The following SCAP variants were observed in gnomAD, a reference collection of about 807,000 sequenced individuals.
SCAP encodes the protein SREBF chaperone.
A neutral mutation model predicts 123.6 loss-of-function variants in SCAP; 65 were observed. The ratio of observed to expected loss-of-function variants is 0.53; its 90% confidence interval spans 0.43 to 0.65. The LOEUF (loss-of-function observed/expected upper bound fraction) is 0.65. SCAP is among the 30% of genes least tolerant of loss of function. SCAP has a pLI of 0.00. For missense variants in SCAP, 1,398 were observed against 1,712.5 expected, an observed-to-expected ratio of 0.82 and a Z score of 3.24; for synonymous variants, 740 against 726.3, an observed-to-expected ratio of 1.02 and a Z score of -0.30.
intron 1 of SCAP, among the ~76,000 whole-genome samples, chr3:47,449,596 C>G (rs79382394): frequency 0.01 from 1,248 of 124,628 alleles, 353 homozygotes; most frequent in South Asian, 0.015. Flanking sequence ...ATTTCTTCCT[C>G]CATCCCCATT....
chr3:47,466,154 A>AAAAAAAG (rs1559571041), intron 1 of SCAP, among the ~76,000 whole-genome samples: 3 of 142,118 alleles, frequency 2.1e-5, no homozygotes, highest in Non-Finnish European at 4.5e-5. Context: ...AAAAAAAAAA[A>AAAAAAAG]AAAGAAAGAA....
At chr3:47,433,676 G>A (rs1315367287) in intron 3 of SCAP, among the ~76,000 whole-genome samples, 1 of 152,238 alleles carries the variant, frequency 6.6e-6, no homozygotes, top group Middle Eastern at 3.4e-3. Context: ...AGACCAGCCT[G>A]GCCAACATGG....
chr3:47,438,548 T>C (rs1035315094), intron 2 of SCAP, among the ~76,000 whole-genome samples: 2 of 152,094 alleles, frequency 1.3e-5, no homozygotes, highest in African/African-American at 4.8e-5. Flanking sequence ...GCACGGTGGC[T>C]CACGCCTGTA....
chr3:47,421,063 C>T, intron 10 of SCAP, 34 bp from the exon 11 acceptor site: 10 of 1,552,920 alleles, frequency 6.4e-6, no homozygotes, highest in Non-Finnish European at 8.9e-6. Context: ...GGGGGGGTGC[C>T]GTGACCTCAC....
chr3:47,471,172 C>A (rs553203866), intron 1 of SCAP, among the ~76,000 whole-genome samples: 1 of 151,986 alleles, frequency 6.6e-6, no homozygotes, highest in South Asian at 2.1e-4. Flanking sequence ...TATCCCCTTA[C>A]AAATTTTAGC....
At position 47,417,597 on chromosome 3, in the gene SCAP, G is replaced by C; in HGVS notation, c.2677C>G (p.Pro893Ala). 6.2e-7 allele frequency: 1 copy of C among 1,600,540 alleles called. No homozygotes were observed. Among genetic ancestry groups the C allele is most frequent in the Non-Finnish European group, 8.5e-7 (1 of 1,175,060 alleles). Residue 893 changes from proline (P) to alanine (A), a missense_variant, in exon 17 of 23, where the codon CCC (proline) becomes GCC (alanine). Pro to Ala is a conservative substitution (Grantham distance 27, BLOSUM62 -1). This residue lies in a region of SCAP where 828 missense variants were observed against 882.5 expected (regional missense o/e 0.94). Transcript: ENST00000265565. ...AQPRSSQPTQPEPRHRAVCGR... is the reference protein window; with the variant it reads ...AQPRSSQPTQAEPRHRAVCGR... ...CAGACCGCCCGGTGCCGGGGCTCGG[G>C]CTGAGTGGGCTGTGAGGACCGAGGC... is the stretch of plus-strand genomic sequence containing the variant.
In SCAP at chr3:47,426,010, G is replaced by A. The variant is rs369235077; in HGVS notation, c.897C>T (p.Ile299=). ...CCATGAACCTACGCGTGGAGAAGTA[G>A]ATGTAGGCAAACAAGATGATGTAGG... ...VTTYIILFAY[I]YFSTRKIDMV... Residue 299 remains isoleucine, a synonymous_variant, in exon 7 of 23, where the codon ATC becomes ATT. Transcript: ENST00000265565. 1 of 1,614,142 alleles carries A rather than the reference G, an allele frequency of 6.2e-7. No homozygotes were observed. The highest frequency in any genetic ancestry group is 1.3e-5 in the African/African-American group (1 of 75,046).
At chr3:47,425,819 A>G (rs1706103246) in intron 7 of SCAP, among the ~76,000 whole-genome samples, 178 bp downstream of exon 7, 2 of 151,860 alleles carry the variant, frequency 1.3e-5, no homozygotes, top group Non-Finnish European at 1.5e-5. Context: ...AAGTGGGAAG[A>G]GCCCCGGCCC....
intron 2 of SCAP, among the ~76,000 whole-genome samples, chr3:47,442,578 TATC>T (rs748595770): frequency 2.0e-5 from 3 of 152,228 alleles, no homozygotes; most frequent in Non-Finnish European, 4.4e-5. Context: ...AAAACTGAAG[TATC>T]ATATCTTTCA....
rs757740492 is a variant in SCAP, at chr3:47,417,561, G to A, written c.2713C>T (p.Arg905Trp). The change falls in exon 17 of 23, where the codon CGG becomes TGG. Residue 905 changes from arginine to tryptophan, a missense_variant. Arg to Trp is a moderately radical substitution (Grantham distance 101). Coordinates refer to ENST00000265565, the MANE Select transcript of SCAP (RefSeq NM_012235.4). The part of the protein sequence containing the change: ...PRHRAVCGRS[R>W]DSPGYDFSCL... ...CTGAAGTCATAGCCTGGGGAGTCCC[G>A]AGAGCGGCCACAGACCGCCCGGTGC... 11 of 1,583,634 alleles carry A rather than the reference G, an allele frequency of 6.9e-6. No individual in the cohort carries two copies. The highest frequency in any genetic ancestry group is 9.4e-6 in the Non-Finnish European group (11 of 1,166,214).
chr3:47,418,199 C>T lies in SCAP; in HGVS notation c.2382G>A (p.Leu794=), dbSNP rs1422106613. 6.3e-7 allele frequency: 1 copy of T among 1,575,204 alleles called. No individual in the cohort carries two copies. Among genetic ancestry groups the T allele is most frequent in the Non-Finnish European group, 8.6e-7 (1 of 1,161,106 alleles). Residue 794 remains leucine (L), a synonymous_variant, in exon 16 of 23, where the codon CTG becomes CTA. Transcript: ENST00000265565. ...SDGMLLVSCC[L]AGHVCVWDAQ... is the part of the protein sequence containing the mutation. ...CGTCCCACACGCAGACGTGGCCTGC[C>T]AGGCAGCAGCTCACCAGCAGCATGC... is the stretch of plus-strand genomic sequence containing the variant.
intron 20 of SCAP, 35 bp from the exon 21 acceptor site, chr3:47,414,687 G>A: frequency 6.2e-7 from 1 of 1,612,594 alleles, no homozygotes; most frequent in Non-Finnish European, 8.5e-7. Context: ...TCTGGTCTCT[G>A]GGATTTTCCA....
At chr3:47,422,214 C>T (rs897645995) in intron 10 of SCAP, among the ~76,000 whole-genome samples, 2 of 152,270 alleles carry the variant, frequency 1.3e-5, no homozygotes, top group African/African-American at 4.8e-5. Flanking sequence ...GTCTGCCTGG[C>T]TAGGTGCTCA....
chr3:47,417,629 GA>G lies in SCAP; in HGVS notation c.2644del (p.Ser882GlnfsTer189), dbSNP rs1160343716. Reference protein sequence around the residue: ...DLTCLIDTNFSAQPRSSQPTQ... With the variant: ...DLTCLIDTNFXAQPRSSQPTQ... ...GGGCTGTGAGGACCGAGGCTGCGCTGAAAAGTTGGTGTCAATTAAGCAGGTG... is the reference window on the plus strand; with the variant it reads ...GGGCTGTGAGGACCGAGGCTGCGCTGAAAGTTGGTGTCAATTAAGCAGGTG... On this transcript the variant is annotated frameshift_variant, in exon 17 of 23. Transcript: ENST00000265565. LOFTEE classifies it high-confidence loss of function. The G allele has an allele frequency of 6.2e-7, 1 of 1,608,940 alleles. No individual in the cohort carries two copies. Among genetic ancestry groups the G allele is most frequent in the Non-Finnish European group, 8.5e-7 (1 of 1,178,386 alleles).
chr3:47,417,846 A>AGTGAGAGGGGCACGGGGGAGGGGG lies in SCAP; in HGVS notation c.2448-21_2448-20insCCCCCTCCCCCGTGCCCCTCTCAC. 9.2e-7 allele frequency: 1 copy of AGTGAGAGGGGCACGGGGGAGGGGG among 1,082,786 alleles called. No individual in the cohort carries two copies. Among genetic ancestry groups the AGTGAGAGGGGCACGGGGGAGGGGG allele is most frequent in the Non-Finnish European group, 1.2e-6 (1 of 869,164 alleles). 67.1% of individuals were successfully genotyped at this position (1,082,786 alleles called of 1,614,324 possible). A position where few individuals can be genotyped will look rare whatever the true frequency, so the allele number is the denominator to read the frequency against. On this transcript the variant is annotated intron_variant, in intron 16 of 22. Transcript: ENST00000265565. ...TGCCTGCTGGGGGCCAGGAGGGCGG[A>AGTGAGAGGGGCACGGGGGAGGGGG]GTGAGAGGGGGCACGGGGGAGGGGG...
intron 1 of SCAP, among the ~76,000 whole-genome samples, chr3:47,447,452 G>A (rs749190706): frequency 3.9e-5 from 6 of 152,150 alleles, no homozygotes; most frequent in Non-Finnish European, 7.3e-5. Flanking sequence ...AACTTGGTGA[G>A]GCAAAGGTGG....
rs776635364 is a variant in SCAP, at chr3:47,418,445, C to T, written c.2207G>A (p.Arg736His). Residue 736 changes from arginine to histidine, a missense_variant, in exon 15 of 23, where the codon CGC (arginine) becomes CAC (histidine). By Grantham distance (29) the Arg-to-His change is conservative. Around this residue, in one of 7 missense-constraint regions of SCAP, gnomAD observed 828 missense variants for 882.5 expected, o/e 0.94. Transcript: ENST00000265565. ...CCCACCACCCAGCTGCCCGTAGTTG[C>T]GCGGGCATAGCACGCGGTAGAGGCA... ...LLCLYRVLCP[R>H]NYGQLGGGPG... is the part of the protein sequence containing the mutation. The T allele has an allele frequency of 6.3e-6, 10 of 1,593,810 alleles. No individual in the cohort carries two copies. Among genetic ancestry groups the T allele is most frequent in the Non-Finnish European group, 6.8e-6 (8 of 1,173,062 alleles).
rs766614320 is a variant in SCAP at position 47,413,878 on chromosome 3, G to A, written c.3816C>T (p.Pro1272=). 4 of 1,612,980 alleles carry A rather than the reference G, an allele frequency of 2.5e-6. No individual in the cohort carries two copies. In the Admixed American group the frequency reaches 6.7e-5, roughly 27 times the overall value. Residue 1272 remains proline (P), a synonymous_variant, in exon 23 of 23, where the codon CCC becomes CCT. Coordinates refer to ENST00000265565, the MANE Select transcript of SCAP (RefSeq NM_012235.4). ...CTCAGTCCAGCTTCTCCAGCACAGA[G>A]GGCACATACACCAGGCTGAGCTCAC... ...FGSELSLVYV[P]SVLEKLD
Position 47,413,952 on chromosome 3 carries a change from G to A in SCAP, c.3742C>T (p.Arg1248Cys), listed in dbSNP as rs372044719. ...GCGTTGTCCAGCACCAGGATCTGGC[G>A]GGCAGGCTGGGCCTCACTGTTCTTC... ...LGKNSEAQPA[R>C]QILVLDNAAI... The change falls in exon 23 of 23, where the codon CGC (arginine) becomes TGC (cysteine). Residue 1248 changes from arginine to cysteine, a missense_variant. By Grantham distance (180) the Arg-to-Cys change is radical. This residue lies in a region of SCAP where 130 missense variants were observed against 166.7 expected (regional missense o/e 0.78). Transcript: ENST00000265565. 66 of 1,613,136 alleles carry A rather than the reference G, an allele frequency of 4.1e-5. No homozygotes were observed. Among genetic ancestry groups the A allele is most frequent in the African/African-American group, 3.7e-4 (28 of 74,912 alleles).
Sources: allele counts gnomAD v4.1 joint callset (sites outside exome capture counted in the v4.1 genomes callset), GRCh38; gene constraint gnomAD v4.1.1; regional missense constraint gnomAD v4.1.1; transcripts MANE v1.5; gene names NCBI Gene and HGNC (gene_info 2026-07-23, HGNC 2026-07-21).